Variants in PTPRD observed in about 807,000 individuals in gnomAD.
PTPRD encodes receptor-type tyrosine-protein phosphatase delta.
Under a neutral mutation model 214.5 loss-of-function variants are expected in PTPRD, and 34 were observed. The ratio of observed to expected loss-of-function variants is 0.16; its 90% CI spans 0.12 to 0.21. The LOEUF is 0.21. Among genes scored for constraint, PTPRD ranks in the 10% least tolerant of loss-of-function variants. PTPRD has a pLI of 1.00. For missense variants in PTPRD, 2,545 were observed against 2,398.7 expected, an observed-to-expected ratio of 1.06 and a Z score of -1.27; for synonymous variants, 1,128 against 845.7, an observed-to-expected ratio of 1.33 and a Z score of -5.79.
chr9:8,727,188 G>A (rs1475881832), intron 12 of PTPRD, among the ~76,000 whole-genome samples: 2 of 152,136 alleles, frequency 1.3e-5, no homozygotes, highest in Non-Finnish European at 2.9e-5. Flanking sequence ...TTCCCAAATA[G>A]AGATAACAAA....
At chr9:8,379,024 G>C (rs2084121292) in intron 37 of PTPRD, among the ~76,000 whole-genome samples, 1 of 152,088 alleles carries the variant, frequency 6.6e-6, no homozygotes, top group Non-Finnish European at 1.5e-5. Context: ...ATTACTGTAA[G>C]GAGTAAACGC....
chr9:9,489,663 T>C (rs1269951665), intron 8 of PTPRD, among the ~76,000 whole-genome samples: 1 of 152,094 alleles, frequency 6.6e-6, no homozygotes, highest in Non-Finnish European at 1.5e-5. Context: ...GAAGATTTGA[T>C]TAGGTAGAAG....
intron 8 of PTPRD, among the ~76,000 whole-genome samples, chr9:9,418,058 G>A (rs900741718): frequency 3.3e-5 from 5 of 151,974 alleles, no homozygotes; most frequent in Admixed American, 6.6e-5. Flanking sequence ...GAGTCCTACA[G>A]CTTTTGTTTA....
intron 3 of PTPRD, among the ~76,000 whole-genome samples, chr9:10,335,065 T>C (rs2096821775): frequency 6.6e-6 from 1 of 151,766 alleles, no homozygotes; most frequent in Non-Finnish European, 1.5e-5. Context: ...CAGCCAGTTA[T>C]ATTTTGGATA....
chr9:8,468,524 T>G (rs1010457473), intron 31 of PTPRD, among the ~76,000 whole-genome samples: 2 of 151,900 alleles, frequency 1.3e-5, no homozygotes, highest in Admixed American at 6.6e-5. Context: ...AGCAGCCCGG[T>G]AACAAAGGAT....
At chr9:10,412,770 G>T (rs895435752) in intron 2 of PTPRD, among the ~76,000 whole-genome samples, 11 of 151,726 alleles carry the variant, frequency 7.2e-5, no homozygotes, top group African/African-American at 2.7e-4. Context: ...CAACGATCAA[G>T]TAGGCTTCAT....
intron 9 of PTPRD, among the ~76,000 whole-genome samples, chr9:9,360,220 T>C (rs1226385956): frequency 2.7e-5 from 4 of 150,690 alleles, no homozygotes; most frequent in African/African-American, 7.3e-5. Flanking sequence ...TGAAAAAGAC[T>C]ATTTCCTGTA....
intron 3 of PTPRD, among the ~76,000 whole-genome samples, chr9:10,089,565 G>C (rs1187857192): frequency 6.6e-6 from 1 of 151,550 alleles, no homozygotes; most frequent in East Asian, 1.9e-4. Context: ...AAAAAGATTT[G>C]CTGTGATTTC....
chr9:9,332,096 A>T (rs574967560), intron 9 of PTPRD, among the ~76,000 whole-genome samples: 2 of 152,050 alleles, frequency 1.3e-5, no homozygotes, highest in Non-Finnish European at 2.9e-5. Flanking sequence ...ATCACTAAAG[A>T]CAATGACAGA....
At chr9:8,794,893 G>A (rs1279147503) in intron 11 of PTPRD, among the ~76,000 whole-genome samples, 2 of 151,196 alleles carry the variant, frequency 1.3e-5, no homozygotes, top group Non-Finnish European at 2.9e-5. Flanking sequence ...CAAATGCCTT[G>A]GGATAAATGG....
intron 3 of PTPRD, among the ~76,000 whole-genome samples, chr9:10,125,161 T>G (rs2098806206): frequency 6.6e-6 from 1 of 152,074 alleles, no homozygotes; most frequent in African/African-American, 2.4e-5. Flanking sequence ...GTAGGAGTTG[T>G]ACAAACTTAA....
chr9:9,502,141 G>A (rs1224074787), intron 8 of PTPRD, among the ~76,000 whole-genome samples: 1 of 151,680 alleles, frequency 6.6e-6, no homozygotes, highest in African/African-American at 2.4e-5. Flanking sequence ...ACACTTAAGA[G>A]CTATCCTTTT....
At position 8,939,626 on chromosome 9, in the gene PTPRD, T is replaced by A. The variant is rs559757986; in HGVS notation, c.-104+79071A>T. ...TTCCAAATGTGCTCTGCACTGCAAA[T>A]CTTTCCAAATCTAACTTAAAAGGCA... On this transcript the variant is annotated intron_variant, in intron 11 of 45. Coordinates refer to ENST00000381196, the MANE Select transcript of PTPRD (RefSeq NM_002839.4). 5.9e-5 allele frequency among the ~76,000 whole-genome samples: 9 copies of A among 152,240 alleles called. No individual in the cohort carries two copies. In the East Asian group the frequency reaches 1.5e-3, roughly 26 times the overall value.
intron 3 of PTPRD, among the ~76,000 whole-genome samples, chr9:10,336,432 G>A (rs1300479368): frequency 6.6e-6 from 1 of 151,500 alleles, no homozygotes; most frequent in African/African-American, 2.4e-5. Flanking sequence ...CCAGAAAATG[G>A]TTCACATAAT....
chr9:10,242,250 G>A (rs1346508233), intron 3 of PTPRD, among the ~76,000 whole-genome samples: 3 of 152,046 alleles, frequency 2.0e-5, no homozygotes, highest in South Asian at 2.1e-4. Context: ...TCTCTAAACT[G>A]TTTGCAATAA....
intron 11 of PTPRD, among the ~76,000 whole-genome samples, chr9:8,761,148 G>T (rs1168313888): frequency 1.3e-5 from 2 of 152,106 alleles, no homozygotes; most frequent in South Asian, 4.1e-4. Flanking sequence ...AAATATAAAT[G>T]ATCTAAAAGA....
At chr9:8,479,793 C>T in intron 30 of PTPRD, among the ~76,000 whole-genome samples, 1 of 151,844 alleles carries the variant, frequency 6.6e-6, no homozygotes, top group East Asian at 1.9e-4. Flanking sequence ...TACTATTTTC[C>T]TCTTTCAACT....
intron 2 of PTPRD, among the ~76,000 whole-genome samples, chr9:10,407,188 T>C (rs532570275): frequency 8.6e-5 from 13 of 151,734 alleles, no homozygotes; most frequent in African/African-American, 3.1e-4. Context: ...GAAGGTTTAA[T>C]CTATGATTAT....
At chr9:9,688,645 G>T (rs1445360534) in intron 7 of PTPRD, among the ~76,000 whole-genome samples, 1 of 151,862 alleles carries the variant, frequency 6.6e-6, no homozygotes, top group South Asian at 2.1e-4. Context: ...ATGAACTGCT[G>T]GTCAACAGGC....
Sources: gnomAD v4.1 joint callset for allele counts (sites outside exome capture counted in the v4.1 genomes callset) on GRCh38, gnomAD v4.1.1 for gene constraint, MANE v1.5 for transcripts, NCBI Gene and HGNC (gene_info 2026-07-23, HGNC 2026-07-21) for gene names.